The following PSMD9 variants were observed in gnomAD, a reference collection of about 807,000 sequenced individuals.
PSMD9 encodes the protein 26S proteasome non-ATPase regulatory subunit 9.
Under a neutral mutation model 25.9 loss-of-function variants are expected in PSMD9, and 26 were observed. The ratio of observed to expected loss-of-function variants is 1.00; its 90% CI spans 0.73 to 1.39. The LOEUF is 1.39. Among genes scored for constraint, PSMD9 ranks in the 40% most tolerant of loss-of-function variants. The pLI is 0.00. For missense variants in PSMD9, 303 were observed against 299.3 expected, an observed-to-expected ratio of 1.01 and a Z score of -0.09; for synonymous variants, 110 against 114.5, an observed-to-expected ratio of 0.96 and a Z score of 0.25.
intron 1 of PSMD9, among the ~76,000 whole-genome samples, chr12:121,890,834 C>G (rs546708230): frequency 8.9e-4 from 136 of 152,186 alleles, no homozygotes; most frequent in African/African-American, 2.7e-3. Context: ...ATAATCTCTT[C>G]TCTTAAATAT....
At chr12:121,912,799 G>C (rs1879763755) in intron 4 of PSMD9, among the ~76,000 whole-genome samples, 1 of 146,726 alleles carries the variant, frequency 6.8e-6, no homozygotes, top group Non-Finnish European at 1.5e-5. Context: ...CCAGGAGGCA[G>C]AGGTTGCAGT....
chr12:121,890,638 T>A (rs1310459659), intron 1 of PSMD9, among the ~76,000 whole-genome samples: 3 of 151,930 alleles, frequency 2.0e-5, no homozygotes, highest in Non-Finnish European at 4.4e-5. Context: ...CAGCTAATTT[T>A]TGTATTTTTT....
chr12:121,909,139 GTCAA>G (rs373352267), intron 4 of PSMD9, among the ~76,000 whole-genome samples: 1 of 152,018 alleles, frequency 6.6e-6, no homozygotes, highest in Non-Finnish European at 1.5e-5. Flanking sequence ...GGAGGAAGGG[GTCAA>G]TCAAAGAGAC....
Position 121,915,841 on chromosome 12 carries a change from T to G in PSMD9, c.556-15T>G. ...TAACGAGGCTGAACACGAAATGAGC[T>G]TATTTTCTTTTCAGAAGCCCCTGAA... On this transcript the variant is annotated splice_polypyrimidine_tract_variant and intron_variant, in intron 4 of 5. Transcript: ENST00000541212. 3 of 1,606,442 alleles carry G rather than the reference T, an allele frequency of 1.9e-6. No individual in the cohort carries two copies. Among genetic ancestry groups the G allele is most frequent in the Non-Finnish European group, 1.7e-6 (2 of 1,175,012 alleles).
Position 121,916,633 on chromosome 12 carries a change from GTGCTGATATGACC to G in PSMD9, c.*323_*335del. On this transcript the variant is annotated 3_prime_UTR_variant, in exon 6 of 6. Transcript: ENST00000541212. The stretch of plus-strand genomic sequence containing the variant: ...ATTATTTTTAATAAAGAGTTTTACA[GTGCTGATATGACC>G]CTGTTGTCACCCCAGCTGAATTTCT... 3.2e-6 allele frequency: 1 copy of G among 313,616 alleles called. No individual in the cohort carries two copies. The highest frequency in any genetic ancestry group is 6.0e-6 in the Non-Finnish European group (1 of 167,866). The allele number at this position is 313,616 out of a possible 1,614,324, so 19.4% of individuals were successfully genotyped here. A position where few individuals can be genotyped will look rare whatever the true frequency, so the allele number is the denominator to read the frequency against.
At chr12:121,898,419 G>T (rs1426127481) in intron 2 of PSMD9, 1 of 152,200 alleles carries the variant, frequency 6.6e-6, no homozygotes, top group East Asian at 1.9e-4. Flanking sequence ...TTGTAGCATT[G>T]GGTCTTCCTC....
chr12:121,897,926 T>G (rs1369830468), intron 2 of PSMD9: 1 of 152,204 alleles, frequency 6.6e-6, no homozygotes, highest in African/African-American at 2.4e-5. Flanking sequence ...CCTTTCAACA[T>G]TTTGATTAGA....
At chr12:121,909,532 G>A (rs1879657129) in intron 4 of PSMD9, among the ~76,000 whole-genome samples, 1 of 151,614 alleles carries the variant, frequency 6.6e-6, no homozygotes, top group Admixed American at 6.6e-5. Context: ...TGTTGCCTAG[G>A]CCGGTCTAGA....
At chr12:121,899,610 C>T (rs1171605769) in intron 2 of PSMD9, 24 bp from the exon 3 acceptor site, 2 of 1,571,958 alleles carry the variant, frequency 1.3e-6, no homozygotes, top group Admixed American at 1.9e-5. Context: ...TTCCTTGGCC[C>T]CTGATGTGTG....
intron 4 of PSMD9, among the ~76,000 whole-genome samples, chr12:121,913,029 T>C (rs1003745065): frequency 3.3e-5 from 5 of 150,202 alleles, no homozygotes; most frequent in South Asian, 2.2e-4. Flanking sequence ...CTCCGCCTCC[T>C]GGGTTGACGC....
At chr12:121,915,154 GTC>G (rs1239776279) in intron 4 of PSMD9, 1 of 151,788 alleles carries the variant, frequency 6.6e-6, no homozygotes, top group African/African-American at 2.4e-5. Flanking sequence ...GCGAAACCCT[GTC>G]TCTACTAAAA....
chr12:121,892,822 A>C (rs1288281097), intron 1 of PSMD9, among the ~76,000 whole-genome samples: 1 of 152,170 alleles, frequency 6.6e-6, no homozygotes, highest in Non-Finnish European at 1.5e-5. Flanking sequence ...GCAGTGAGCT[A>C]TGAACACACC....
chr12:121,900,105 C>T (rs1369897518), intron 3 of PSMD9, among the ~76,000 whole-genome samples: 3 of 152,096 alleles, frequency 2.0e-5, no homozygotes, highest in Non-Finnish European at 4.4e-5. Flanking sequence ...GATAAATGTC[C>T]CAAGAGAGGG....
chr12:121,893,057 A>G (rs996921940), intron 1 of PSMD9, among the ~76,000 whole-genome samples: 2 of 152,198 alleles, frequency 1.3e-5, no homozygotes, highest in African/African-American at 2.4e-5. Flanking sequence ...ATTGTAGAGA[A>G]TTGGGAGAGG....
intron 3 of PSMD9, among the ~76,000 whole-genome samples, chr12:121,900,904 G>A (rs979033810): frequency 6.7e-6 from 1 of 149,706 alleles, no homozygotes; most frequent in Non-Finnish European, 1.5e-5. Context: ...AGAATCGCCT[G>A]AACCCAGGAG....
intron 1 of PSMD9, among the ~76,000 whole-genome samples, chr12:121,891,282 T>G (rs1458834202): frequency 2.7e-5 from 3 of 111,628 alleles, no homozygotes; most frequent in African/African-American, 1.0e-4. Context: ...GGTGACAGAG[T>G]GAGATGCTGT....
At chr12:121,912,406 G>A (rs915175408) in intron 4 of PSMD9, among the ~76,000 whole-genome samples, 1 of 152,116 alleles carries the variant, frequency 6.6e-6, no homozygotes, top group Admixed American at 6.6e-5. Context: ...CACCAGTGGT[G>A]CACAGGGCTC....
At chr12:121,911,435 T>C (rs921394210) in intron 4 of PSMD9, among the ~76,000 whole-genome samples, 4 of 152,216 alleles carry the variant, frequency 2.6e-5, no homozygotes, top group Non-Finnish European at 4.4e-5. Flanking sequence ...TATTCGACTG[T>C]ATGTATACAC....
At chr12:121,892,747 T>C (rs1033884223) in intron 1 of PSMD9, among the ~76,000 whole-genome samples, 4 of 151,716 alleles carry the variant, frequency 2.6e-5, no homozygotes, top group African/African-American at 9.7e-5. Flanking sequence ...TGTGATGACA[T>C]GTGCCTGTGG....
Sources: allele counts gnomAD v4.1 joint callset (sites outside exome capture counted in the v4.1 genomes callset), GRCh38; gene constraint gnomAD v4.1.1; transcripts MANE v1.5; gene names NCBI Gene and HGNC (gene_info 2026-07-23, HGNC 2026-07-21).